The following UBASH3B variants were observed in gnomAD, a reference collection of about 807,000 sequenced individuals.
UBASH3B encodes the protein ubiquitin-associated and SH3 domain-containing protein B.
UBASH3B carries 37 observed loss-of-function variants against 83.4 expected under a neutral mutation model. The ratio of observed to expected loss-of-function variants is 0.44; its 90% CI spans 0.34 to 0.58. UBASH3B has a LOEUF of 0.58. Ranked by LOEUF, UBASH3B falls within the 20% of genes least tolerant of loss-of-function variation. The probability of loss-of-function intolerance (pLI) is 0.01; values close to 1 mark genes in which losing one functional copy is unlikely to be tolerated. For synonymous variants in UBASH3B, 304 were observed against 318.3 expected, an observed-to-expected ratio of 0.96 and a Z score of 0.48; for missense variants, 657 against 827.2, an observed-to-expected ratio of 0.79 and a Z score of 2.52.
At chr11:122,773,764 A>G (rs1224867419) in intron 1 of UBASH3B, among the ~76,000 whole-genome samples, 2 of 152,122 alleles carry the variant, frequency 1.3e-5, no homozygotes, top group Admixed American at 1.3e-4. Flanking sequence ...TTGTCTTTTG[A>G]GTTACAGAGA....
At chr11:122,807,348 A>G (rs964293937) in intron 12 of UBASH3B, among the ~76,000 whole-genome samples, 4 of 152,236 alleles carry the variant, frequency 2.6e-5, no homozygotes, top group Admixed American at 2.0e-4. Flanking sequence ...CATGAACTGT[A>G]TCGTCACATA....
Position 122,813,689 on chromosome 11 carries a change from A to C in UBASH3B, c.*3803A>C, listed in dbSNP as rs1205089355. The C allele has an allele frequency of 6.6e-6, 1 of 152,218 alleles. No individual in the cohort carries two copies. Among genetic ancestry groups the C allele is most frequent in the Non-Finnish European group, 1.5e-5 (1 of 68,028 alleles). The allele number at this position is 152,218 out of a possible 1,614,324, so 9.4% of individuals were successfully genotyped here. ...GCAGAGGAGGGTGGGGTAAAGAGCG[A>C]TTTAACATCTATTTAGGTTAATGTT... On this transcript the variant is annotated 3_prime_UTR_variant, in exon 14 of 14. Coordinates refer to ENST00000284273, the MANE Select transcript of UBASH3B (RefSeq NM_032873.5).
At chr11:122,691,069 G>T (rs928061849) in intron 1 of UBASH3B, among the ~76,000 whole-genome samples, 1 of 152,156 alleles carries the variant, frequency 6.6e-6, no homozygotes, top group Non-Finnish European at 1.5e-5. Context: ...CCTGGGTTAT[G>T]CTCATTTCCA....
intron 1 of UBASH3B, among the ~76,000 whole-genome samples, chr11:122,730,300 A>G (rs1263579519): frequency 5.3e-5 from 8 of 152,124 alleles, no homozygotes; most frequent in Admixed American, 4.6e-4. Flanking sequence ...GTGACATCAC[A>G]CGGGTCCTTG....
intron 1 of UBASH3B, among the ~76,000 whole-genome samples, chr11:122,681,188 A>C (rs753855840): frequency 2.0e-5 from 3 of 152,256 alleles, no homozygotes; most frequent in Non-Finnish European, 2.9e-5. Flanking sequence ...TTAAAAGCAT[A>C]ATAGAATGAA....
At chr11:122,704,497 G>A (rs1434607628) in intron 1 of UBASH3B, among the ~76,000 whole-genome samples, 1 of 151,990 alleles carries the variant, frequency 6.6e-6, no homozygotes, top group Non-Finnish European at 1.5e-5. Flanking sequence ...AGAGGTTACA[G>A]ATGAGTGTCT....
At chr11:122,668,694 T>C (rs1310442777) in intron 1 of UBASH3B, among the ~76,000 whole-genome samples, 1 of 152,214 alleles carries the variant, frequency 6.6e-6, no homozygotes, top group Non-Finnish European at 1.5e-5. Context: ...GTTATTTCTA[T>C]AGGTGGCTGC....
At chr11:122,730,185 C>G (rs1271946304) in intron 1 of UBASH3B, among the ~76,000 whole-genome samples, 1 of 152,088 alleles carries the variant, frequency 6.6e-6, no homozygotes. Flanking sequence ...ACCTGGGAGG[C>G]TGAGGCAGAA....
intron 1 of UBASH3B, among the ~76,000 whole-genome samples, chr11:122,665,233 A>G (rs1189087814): frequency 6.6e-6 from 1 of 152,136 alleles, no homozygotes; most frequent in Admixed American, 6.5e-5. Context: ...GCTACAGTGC[A>G]ATAACACGAT....
At chr11:122,666,339 T>C (rs1225441486) in intron 1 of UBASH3B, among the ~76,000 whole-genome samples, 2 of 152,250 alleles carry the variant, frequency 1.3e-5, no homozygotes, top group Non-Finnish European at 2.9e-5. Context: ...GACACAGACA[T>C]GTGGAACGAT....
intron 1 of UBASH3B, among the ~76,000 whole-genome samples, chr11:122,741,587 C>T (rs871843): frequency 0.41 from 62,050 of 151,874 alleles, 12,797 homozygotes; most frequent in Admixed American, 0.47. Flanking sequence ...GAAATCCTCG[C>T]GGGTCTCCTG....
intron 1 of UBASH3B, among the ~76,000 whole-genome samples, chr11:122,673,419 C>G (rs1051200620): frequency 6.6e-6 from 1 of 152,114 alleles, no homozygotes; most frequent in African/African-American, 2.4e-5. Flanking sequence ...GAGGCTGAGG[C>G]GGGCAGATCA....
At chr11:122,785,367 T>C (rs896286350) in intron 5 of UBASH3B, among the ~76,000 whole-genome samples, 4 of 152,174 alleles carry the variant, frequency 2.6e-5, no homozygotes, top group African/African-American at 9.7e-5. Context: ...TTCTTCAACA[T>C]GCCCCCAGGA....
In UBASH3B at chr11:122,796,180, G is replaced by A. The variant is rs74578417; in HGVS notation, c.1138G>A (p.Gly380Ser). The A allele has an allele frequency of 1.2e-3, 1,914 of 1,614,048 alleles. 20 individuals carry two copies. The African/African-American group carries it at 0.022, about 19-fold the overall frequency. The change falls in exon 8 of 14, where the codon GGC becomes AGC. Residue 380 changes from glycine to serine, a missense_variant. Gly to Ser is a moderately conservative substitution (Grantham distance 56, BLOSUM62 0). Around this residue, in one of 3 missense-constraint regions of UBASH3B, gnomAD observed 573 missense variants for 739.0 expected, o/e 0.78. Coordinates refer to ENST00000284273, the MANE Select transcript of UBASH3B (RefSeq NM_032873.5). ...GCCGCTGAGGGTCAACAGCCAGCCCGGCCCCCAGAAGCGATGCCTTTTTGT... is the reference window on the plus strand; with the variant it reads ...GCCGCTGAGGGTCAACAGCCAGCCCAGCCCCCAGAAGCGATGCCTTTTTGT... ...MQPLRVNSQP[G>S]PQKRCLFVCR...
At chr11:122,716,275 T>G (rs1438294776) in intron 1 of UBASH3B, among the ~76,000 whole-genome samples, 1 of 152,240 alleles carries the variant, frequency 6.6e-6, no homozygotes, top group East Asian at 1.9e-4. Context: ...TGAGCTCATG[T>G]GGTCCTTCTG....
At chr11:122,675,819 G>T (rs1407688556) in intron 1 of UBASH3B, among the ~76,000 whole-genome samples, 4 of 152,202 alleles carry the variant, frequency 2.6e-5, no homozygotes, top group Non-Finnish European at 5.9e-5. Flanking sequence ...CCTCCAGTTT[G>T]CAGCGGACCA....
rs116424305 is a variant in UBASH3B at position 122,810,224 on chromosome 11, C to T, written c.*338C>T. On this transcript the variant is annotated 3_prime_UTR_variant, in exon 14 of 14. Coordinates refer to ENST00000284273, the MANE Select transcript of UBASH3B (RefSeq NM_032873.5). ...TTTCTCCCAGAGGGAGCTGCTGGCC[C>T]GCTCTAAGGGGTGCAAGAGGAAGGA... 9.0e-3 allele frequency: 1,756 copies of T among 196,066 alleles called. 29 individuals carry two copies. Among genetic ancestry groups the T allele is most frequent in the African/African-American group, 0.039 (1,659 of 43,002 alleles). 12.1% of individuals were successfully genotyped at this position (196,066 alleles called of 1,614,324 possible). A position where few individuals can be genotyped will look rare whatever the true frequency, so the allele number is the denominator to read the frequency against.
chr11:122,779,263 G>A, intron 3 of UBASH3B: 1 of 579,076 alleles, frequency 1.7e-6, no homozygotes, highest in South Asian at 2.0e-5. Flanking sequence ...CCACTTCACA[G>A]CAAGGAAAGG....
At chr11:122,686,270 T>C (rs1393507033) in intron 1 of UBASH3B, among the ~76,000 whole-genome samples, 1 of 152,198 alleles carries the variant, frequency 6.6e-6, no homozygotes, top group African/African-American at 2.4e-5. Context: ...TTTTCTCCTA[T>C]GAGCTGAGTC....
Sources: allele counts gnomAD v4.1 joint callset (sites outside exome capture counted in the v4.1 genomes callset), GRCh38; gene constraint gnomAD v4.1.1; regional missense constraint gnomAD v4.1.1; transcripts MANE v1.5; gene names NCBI Gene and HGNC (gene_info 2026-07-23, HGNC 2026-07-21).